SNX10: variants seen among roughly 807,000 people sequenced by gnomAD.
SNX10 encodes the protein sorting nexin 10, also known as sorting nexin-10.
A neutral mutation model predicts 28.5 loss-of-function variants in SNX10; 25 were observed. The observed-to-expected ratio is 0.88, with a 90% CI of 0.64 to 1.22. SNX10 has a LOEUF of 1.22. Among genes scored for constraint, SNX10 ranks in the 50% most tolerant of loss-of-function variants. The pLI is 0.00. For missense variants in SNX10, 223 were observed against 242.6 expected, an observed-to-expected ratio of 0.92 and a Z score of 0.54; for synonymous variants, 62 against 81.4, an observed-to-expected ratio of 0.76 and a Z score of 1.28.
intron 3 of SNX10, among the ~76,000 whole-genome samples, chr7:26,361,706 A>G (rs1374468474): frequency 6.6e-6 from 1 of 152,248 alleles, no homozygotes; most frequent in Non-Finnish European, 1.5e-5. Context: ...TGGGCCATAC[A>G]GTTTCTGTCG....
intron 1 of SNX10, among the ~76,000 whole-genome samples, chr7:26,315,496 G>A (rs1164639820): frequency 6.6e-6 from 1 of 151,708 alleles, no homozygotes; most frequent in African/African-American, 2.4e-5. Flanking sequence ...GTGAAACCCC[G>A]TCTCTACTAA....
At chr7:26,306,768 G>T (rs928040927) in intron 1 of SNX10, among the ~76,000 whole-genome samples, 1 of 152,162 alleles carries the variant, frequency 6.6e-6, no homozygotes, top group Non-Finnish European at 1.5e-5. Context: ...TTTTCATATT[G>T]GGGGTCCTGG....
rs1789621389 is a variant in SNX10 at position 26,372,866 on chromosome 7, G to A, written c.*294G>A. The A allele has an allele frequency of 1.4e-5, 4 of 279,586 alleles. No homozygotes were observed. The highest frequency in any genetic ancestry group is 2.0e-5 in the Non-Finnish European group (3 of 147,904). 17.3% of individuals were successfully genotyped at this position (279,586 alleles called of 1,614,324 possible). A position where few individuals can be genotyped will look rare whatever the true frequency, so the allele number is the denominator to read the frequency against. Reference sequence around the variant, plus strand: ...TGACTTACATGTTTTAAAAAACCGAGTTGGTTTTATTGAATTTAAAAAGAT... The same window carrying A: ...TGACTTACATGTTTTAAAAAACCGAATTGGTTTTATTGAATTTAAAAAGAT... On this transcript the variant is annotated 3_prime_UTR_variant, in exon 7 of 7. Transcript: ENST00000338523.
intron 2 of SNX10, among the ~76,000 whole-genome samples, chr7:26,348,933 G>A (rs568087661): frequency 5.3e-5 from 8 of 152,240 alleles, no homozygotes; most frequent in Admixed American, 3.3e-4. Context: ...TTCAGGCATT[G>A]GCTTAGAAGT....
At chr7:26,317,941 G>T (rs533069234) in intron 1 of SNX10, among the ~76,000 whole-genome samples, 1 of 152,022 alleles carries the variant, frequency 6.6e-6, no homozygotes, top group Admixed American at 6.6e-5. Flanking sequence ...GATTACAGAC[G>T]TGAGCCACCA....
intron 1 of SNX10, among the ~76,000 whole-genome samples, chr7:26,331,284 C>T (rs920099721): frequency 2.6e-5 from 4 of 152,126 alleles, no homozygotes. Context: ...GTACATTCAC[C>T]CATTTAAAAT....
intron 1 of SNX10, among the ~76,000 whole-genome samples, chr7:26,318,121 A>T (rs2127999552): frequency 6.6e-6 from 1 of 152,330 alleles, no homozygotes; most frequent in South Asian, 2.1e-4. Flanking sequence ...CAAATGTTAG[A>T]TCACATCGCC....
At chr7:26,315,560 C>T (rs750989022) in intron 1 of SNX10, among the ~76,000 whole-genome samples, 2 of 151,516 alleles carry the variant, frequency 1.3e-5, no homozygotes, top group Non-Finnish European at 2.9e-5. Flanking sequence ...CCCAGCTACT[C>T]GGGAGGCTGA....
chr7:26,328,928 C>T (rs1162196503), intron 1 of SNX10, among the ~76,000 whole-genome samples: 2 of 152,194 alleles, frequency 1.3e-5, no homozygotes, highest in African/African-American at 2.4e-5. Flanking sequence ...TGAGGAAACA[C>T]GCCAATACCT....
intron 1 of SNX10, among the ~76,000 whole-genome samples, chr7:26,334,894 C>T (rs1273768362): frequency 6.6e-6 from 1 of 152,166 alleles, no homozygotes; most frequent in Admixed American, 6.5e-5. Context: ...ACAATTTGGG[C>T]CTGGTTTGCA....
At chr7:26,372,274 T>C (rs778767624) in intron 6 of SNX10, 11 of 592,194 alleles carry the variant, frequency 1.9e-5, no homozygotes, top group Non-Finnish European at 3.0e-5. Flanking sequence ...ATTCTGATTA[T>C]GTGACTTTCA....
chr7:26,369,653 A>T (rs3801878), intron 5 of SNX10, among the ~76,000 whole-genome samples: 4 of 152,038 alleles, frequency 2.6e-5, no homozygotes, highest in Non-Finnish European at 5.9e-5. Context: ...CCCCAGCCAC[A>T]TCTTTCTGGC....
chr7:26,313,793 A>G (rs2127998301), intron 1 of SNX10, among the ~76,000 whole-genome samples: 1 of 152,044 alleles, frequency 6.6e-6, no homozygotes, highest in South Asian at 2.1e-4. Context: ...AAGAACCTGA[A>G]TTTCTTTTTT....
At chr7:26,361,107 G>T in intron 3 of SNX10, 46 bp downstream of exon 3, 2 of 1,532,250 alleles carry the variant, frequency 1.3e-6, no homozygotes, top group South Asian at 2.5e-5. Flanking sequence ...GGACTTTTAT[G>T]GGATACATTT....
rs369061463 is a variant in SNX10, at chr7:26,346,698, C to G, written c.24+232C>G. 2.0e-4 allele frequency among the ~76,000 whole-genome samples: 30 copies of G among 152,302 alleles called. 1 individual carries two copies. The South Asian group carries it at 5.8e-3, about 29-fold the overall frequency. ...ACATTCCCACCCACAGCTCGTGACT[C>G]AGAATTCTCCCAGGCTCTGCCTCCC... On this transcript the variant is annotated intron_variant, in intron 2 of 6. Transcript: ENST00000338523.
intron 1 of SNX10, among the ~76,000 whole-genome samples, chr7:26,301,431 G>A (rs1417295984): frequency 6.6e-6 from 1 of 152,086 alleles, no homozygotes; most frequent in Non-Finnish European, 1.5e-5. Flanking sequence ...ATTCCTAATA[G>A]CTTCCAAGGT....
At chr7:26,311,078 C>T (rs1786821937) in intron 1 of SNX10, among the ~76,000 whole-genome samples, 2 of 152,030 alleles carry the variant, frequency 1.3e-5, no homozygotes, top group African/African-American at 4.8e-5. Context: ...ACCGAAGGGG[C>T]GAGGCTTATA....
chr7:26,331,673 C>T (rs751592335), intron 1 of SNX10, among the ~76,000 whole-genome samples: 2 of 152,186 alleles, frequency 1.3e-5, no homozygotes, highest in Non-Finnish European at 2.9e-5. Context: ...CACTTATCAC[C>T]AAAGTCACTT....
At position 26,374,265 on chromosome 7, in the gene SNX10, A is replaced by G. The variant is rs180762547; in HGVS notation, c.*1693A>G. 1.1e-4 allele frequency: 17 copies of G among 152,198 alleles called. No individual in the cohort carries two copies. Among genetic ancestry groups the G allele is most frequent in the Admixed American group, 5.2e-4 (8 of 15,292 alleles). The allele number at this position is 152,198 out of a possible 1,614,324, so 9.4% of individuals were successfully genotyped here. A position where few individuals can be genotyped will look rare whatever the true frequency, so the allele number is the denominator to read the frequency against. ...TAGCCATCAAAATTAATATTATGTA[A>G]TGCCTAATACTTAGTATGTAAATGT... On this transcript the variant is annotated 3_prime_UTR_variant, in exon 7 of 7. Transcript: ENST00000338523.
Sources: allele counts gnomAD v4.1 joint callset (sites outside exome capture counted in the v4.1 genomes callset), GRCh38; gene constraint gnomAD v4.1.1; transcripts MANE v1.5; gene names NCBI Gene and HGNC (gene_info 2026-07-23, HGNC 2026-07-21).